Variants in HLCS observed in about 807,000 individuals in gnomAD.
The protein encoded by HLCS is biotin--protein ligase.
A neutral mutation model predicts 75.0 loss-of-function variants in HLCS; 53 were observed. That is an observed-to-expected ratio of 0.71 (90% CI 0.57 to 0.89). The LOEUF (loss-of-function observed/expected upper bound fraction) is 0.89. HLCS is among the 40% of genes least tolerant of loss of function. The pLI is 0.00. For missense variants in HLCS, 966 were observed against 1,074.0 expected, an observed-to-expected ratio of 0.90 and a Z score of 1.41; for synonymous variants, 431 against 428.6, an observed-to-expected ratio of 1.01 and a Z score of -0.07.
intron 6 of HLCS, among the ~76,000 whole-genome samples, chr21:36,868,274 G>GGAAGGAAA (rs886275509): frequency 1.5e-4 from 20 of 135,462 alleles, no homozygotes; most frequent in Non-Finnish European, 2.9e-4. Context: ...AAGGAAGGAA[G>GGAAGGAAA]GAAAGAAAGA....
At chr21:36,765,288 T>G in intron 7 of HLCS, 116 bp from the exon 8 acceptor site, 1 of 957,896 alleles carries the variant, frequency 1.0e-6, no homozygotes, top group Non-Finnish European at 1.7e-6. Flanking sequence ...ATGCTTATTG[T>G]ATTACAACGC....
Position 36,948,555 on chromosome 21 carries a change from C to G in HLCS, c.331-9561G>C, listed in dbSNP as rs2067517786. On this transcript the variant is annotated intron_variant, in intron 2 of 10. Coordinates refer to ENST00000674895, the MANE Select transcript of HLCS (RefSeq NM_001352514.2). ...GACCAGCCTGGGCAACAAGGTGAAA[C>G]CCCATCTCTACTAAAAACAAAAGAC... 2.0e-5 allele frequency among the ~76,000 whole-genome samples: 3 copies of G among 150,544 alleles called. No individual in the cohort carries two copies. The South Asian group carries it at 6.2e-4, about 31-fold the overall frequency.
At chr21:36,833,908 C>T (rs879167650) in intron 6 of HLCS, among the ~76,000 whole-genome samples, 16 of 152,188 alleles carry the variant, frequency 1.1e-4, no homozygotes, top group South Asian at 2.1e-4. Context: ...CACAACTGCC[C>T]GGATTGAAGA....
chr21:36,831,177 A>C (rs2062196654), intron 6 of HLCS, among the ~76,000 whole-genome samples: 1 of 152,140 alleles, frequency 6.6e-6, no homozygotes, highest in African/African-American at 2.4e-5. Context: ...TATTTTTTTT[A>C]ACATTGTTTC....
intron 2 of HLCS, among the ~76,000 whole-genome samples, chr21:36,948,848 G>C (rs1304580130): frequency 1.3e-5 from 2 of 150,712 alleles, no homozygotes; most frequent in African/African-American, 4.9e-5. Context: ...AGCTGAAATA[G>C]TCAACTAACC....
chr21:36,947,947 C>G (rs1028721442), intron 2 of HLCS: 3 of 985,308 alleles, frequency 3.0e-6, no homozygotes, highest in Non-Finnish European at 2.4e-6. Flanking sequence ...TGTTAAAAAG[C>G]TCTAGTAACA....
Position 36,987,316 on chromosome 21 carries a change from T to A in HLCS, c.-393+2842A>T, listed in dbSNP as rs539306069. Among the ~76,000 whole-genome samples the A allele has an allele frequency of 2.0e-5, 3 of 152,146 alleles. No homozygotes were observed. In the East Asian group the frequency reaches 5.8e-4, roughly 29 times the overall value. On this transcript the variant is annotated intron_variant, in intron 1 of 11. Transcript: ENST00000336648. Reference sequence around the variant, plus strand: ...AGACAGATCTTAGAAATAACTCAAGTCAAAATGAAAAGCAGGACAGGCGCA... The same window carrying A: ...AGACAGATCTTAGAAATAACTCAAGACAAAATGAAAAGCAGGACAGGCGCA...
intron 6 of HLCS, among the ~76,000 whole-genome samples, chr21:36,775,615 C>T (rs1261520669): frequency 6.6e-6 from 1 of 152,238 alleles, no homozygotes; most frequent in Non-Finnish European, 1.5e-5. Flanking sequence ...CTATCTGTCC[C>T]CACTCCTCCG....
intron 1 of HLCS, among the ~76,000 whole-genome samples, chr21:36,984,695 G>A (rs1247857972): frequency 2.6e-5 from 4 of 152,048 alleles, no homozygotes; most frequent in Non-Finnish European, 4.4e-5. Context: ...TTACTTAATG[G>A]GTACAATGTA....
At chr21:36,899,809 G>A (rs2065161910) in intron 5 of HLCS, among the ~76,000 whole-genome samples, 2 of 152,000 alleles carry the variant, frequency 1.3e-5, no homozygotes, top group South Asian at 4.2e-4. Flanking sequence ...GTGGGAGTCA[G>A]AAAGTTAAAA....
At chr21:36,839,422 T>C (rs566211456) in intron 6 of HLCS, among the ~76,000 whole-genome samples, 1 of 152,338 alleles carries the variant, frequency 6.6e-6, no homozygotes, top group East Asian at 1.9e-4. Context: ...CACTCACTAT[T>C]TTTGCAAGAA....
rs565460981 is a variant in HLCS, at chr21:36,792,316, C to A, written c.1893-25031G>T. Among the ~76,000 whole-genome samples, 9 of 152,184 alleles carry A rather than the reference C, an allele frequency of 5.9e-5. No homozygotes were observed. In the South Asian group the frequency reaches 1.9e-3, roughly 32 times the overall value. ...GCATCTGTGTGACCAGGGACGGCTG[C>A]CATCTGTGTGTCACTGTTATCAGTG... On this transcript the variant is annotated intron_variant, in intron 6 of 10. Transcript: ENST00000674895.
intron 6 of HLCS, among the ~76,000 whole-genome samples, chr21:36,829,716 A>T (rs538569415): frequency 6.6e-6 from 1 of 152,294 alleles, no homozygotes; most frequent in African/African-American, 2.4e-5. Flanking sequence ...TTATTTCAAG[A>T]TACTAAAAAA....
At chr21:36,760,178 GCTAA>G (rs1365424820) in intron 8 of HLCS, among the ~76,000 whole-genome samples, 1 of 152,126 alleles carries the variant, frequency 6.6e-6, no homozygotes, top group Admixed American at 6.5e-5. Context: ...CCATGGAGTA[GCTAA>G]CTAACGTGCT....
At chr21:36,868,753 G>A (rs1314266593) in intron 6 of HLCS, among the ~76,000 whole-genome samples, 1 of 152,162 alleles carries the variant, frequency 6.6e-6, no homozygotes, top group African/African-American at 2.4e-5. Flanking sequence ...TCCCCACGGA[G>A]CGTTGTACCG....
At chr21:36,818,564 G>C (rs1283912607) in intron 6 of HLCS, among the ~76,000 whole-genome samples, 2 of 152,112 alleles carry the variant, frequency 1.3e-5, no homozygotes, top group African/African-American at 2.4e-5. Flanking sequence ...AAACGGCAAG[G>C]GAAGGCCTTT....
intron 6 of HLCS, among the ~76,000 whole-genome samples, chr21:36,879,776 G>A (rs908241044): frequency 3.3e-5 from 5 of 152,104 alleles, no homozygotes; most frequent in African/African-American, 9.7e-5. Flanking sequence ...CAAGCATGGT[G>A]GCACGCGCCT....
intron 6 of HLCS, among the ~76,000 whole-genome samples, chr21:36,780,529 C>T (rs1416380686): frequency 6.6e-6 from 1 of 152,138 alleles, no homozygotes; most frequent in Non-Finnish European, 1.5e-5. Flanking sequence ...CTCATTTCTT[C>T]TTAAAGCTGA....
chr21:36,821,836 G>A (rs1388287600), intron 6 of HLCS, among the ~76,000 whole-genome samples: 2 of 152,098 alleles, frequency 1.3e-5, no homozygotes, highest in African/African-American at 4.8e-5. Context: ...AATTTTAAAC[G>A]CACGCCTTTA....
Sources: gnomAD v4.1 joint callset for allele counts (sites outside exome capture counted in the v4.1 genomes callset) on GRCh38, gnomAD v4.1.1 for gene constraint, MANE v1.5 for transcripts, NCBI Gene and HGNC (gene_info 2026-07-23, HGNC 2026-07-21) for gene names.